The following KATNA1 variants were observed in gnomAD, a reference collection of about 807,000 sequenced individuals.
KATNA1 encodes katanin catalytic subunit A1, also known as katanin p60 ATPase-containing subunit A1.
KATNA1 carries 42 observed loss-of-function variants against 62.6 expected under a neutral mutation model. The observed-to-expected ratio is 0.67, with a 90% confidence interval of 0.52 to 0.87. The LOEUF (loss-of-function observed/expected upper bound fraction) is 0.87, where lower values mean the gene tolerates loss of function less well. KATNA1 is among the 40% of genes least tolerant of loss of function. KATNA1 has a pLI of 0.00. For missense variants in KATNA1, 498 were observed against 612.5 expected (o/e 0.81, Z 1.97); for synonymous variants, 186 against 201.9 (o/e 0.92, Z 0.67).
In KATNA1 at chr6:149,597,508, T is replaced by A. The variant is rs757991864; in HGVS notation, c.1149A>T (p.Ser383=). ...LEKRIYIPLP[S]AKGREELLRI... ...CTGACAAGATTGAAAGGAAGATACC[T>A]GACGGCAAAGGAATATAGATTCGTT... Residue 383 remains serine (S), a splice_region_variant and synonymous_variant, in exon 9 of 11, where the codon TCA becomes TCT. Coordinates refer to ENST00000367411, the MANE Select transcript of KATNA1 (RefSeq NM_007044.4). 1.9e-6 allele frequency: 3 copies of A among 1,613,820 alleles called. No homozygotes were observed. The South Asian group carries it at 3.3e-5, about 18-fold the overall frequency.
At chr6:149,628,802 A>G (rs1280278664) in intron 3 of KATNA1, among the ~76,000 whole-genome samples, 1 of 151,278 alleles carries the variant, frequency 6.6e-6, no homozygotes, top group East Asian at 1.9e-4. Flanking sequence ...CCTGGGCAAC[A>G]GAGCGAGACT....
At chr6:149,600,344 C>CA (rs772368350) in intron 7 of KATNA1, among the ~76,000 whole-genome samples, 1 of 151,196 alleles carries the variant, frequency 6.6e-6, no homozygotes, top group Non-Finnish European at 1.5e-5. Context: ...ACAAAAAAAT[C>CA]AAAAAAGGCC....
chr6:149,629,879 T>G (rs1285323472), intron 3 of KATNA1, among the ~76,000 whole-genome samples: 1 of 152,182 alleles, frequency 6.6e-6, no homozygotes, highest in Non-Finnish European at 1.5e-5. Context: ...TTACTTAACC[T>G]ATCTTAGCTT....
At chr6:149,604,554 C>T (rs9766101) in intron 5 of KATNA1, 107 bp downstream of exon 5, 26,537 of 1,175,948 alleles carry the variant, frequency 0.023, 1,302 homozygotes, top group African/African-American at 0.16. Flanking sequence ...GCACATACTC[C>T]GGTTCTGTCC....
chr6:149,628,635 C>T (rs1779713025), intron 3 of KATNA1, among the ~76,000 whole-genome samples: 1 of 151,624 alleles, frequency 6.6e-6, no homozygotes, highest in Non-Finnish European at 1.5e-5. Context: ...GCTTGGCCAA[C>T]AAGGTGAAAC....
At chr6:149,601,077 T>C (rs1002571269) in intron 7 of KATNA1, among the ~76,000 whole-genome samples, 21 of 152,210 alleles carry the variant, frequency 1.4e-4, no homozygotes, top group Admixed American at 3.3e-4. Context: ...GGCTGTGGAA[T>C]TCAATCTAAA....
intron 6 of KATNA1, among the ~76,000 whole-genome samples, chr6:149,602,395 T>A (rs1778580551): frequency 6.6e-6 from 1 of 152,114 alleles, no homozygotes; most frequent in Non-Finnish European, 1.5e-5. Flanking sequence ...TATATATATA[T>A]AATTTATTCA....
At chr6:149,627,578 G>C (rs1779664996) in intron 3 of KATNA1, among the ~76,000 whole-genome samples, 1 of 150,624 alleles carries the variant, frequency 6.6e-6, no homozygotes, top group Admixed American at 6.6e-5. Flanking sequence ...AGCTACTCAG[G>C]AAGCTGAGGC....
At chr6:149,620,126 A>G (rs1489395176) in intron 4 of KATNA1, among the ~76,000 whole-genome samples, 1 of 152,206 alleles carries the variant, frequency 6.6e-6, no homozygotes, top group African/African-American at 2.4e-5. Context: ...CTCATGACGA[A>G]GCTAAAAAAG....
At chr6:149,617,157 G>A (rs1779197289) in intron 4 of KATNA1, among the ~76,000 whole-genome samples, 1 of 152,180 alleles carries the variant, frequency 6.6e-6, no homozygotes, top group Non-Finnish European at 1.5e-5. Context: ...ATGAAGGGGA[G>A]AATGATAAGA....
Position 149,597,542 on chromosome 6 carries a change from C to T in KATNA1, c.1115G>A (p.Arg372His). 1.2e-6 allele frequency: 2 copies of T among 1,613,982 alleles called. No homozygotes were observed. Among genetic ancestry groups the T allele is most frequent in the Non-Finnish European group, 1.7e-6 (2 of 1,179,926 alleles). ...AGGAATATAGATTCGTTTCTCAAGG[C>T]GTCGTCTTAAAGCCTCATCTATATC... is the stretch of plus-strand genomic sequence containing the variant. ...PWDIDEALRR[R>H]LEKRIYIPLP... Residue 372 changes from arginine (R) to histidine (H), a missense_variant, in exon 9 of 11, where the codon CGC becomes CAC. This residue lies in a region of KATNA1 where 267 missense variants were observed against 372.6 expected (regional missense o/e 0.72). Transcript: ENST00000367411.
intron 2 of KATNA1, among the ~76,000 whole-genome samples, chr6:149,636,625 C>T (rs1032988204): frequency 6.7e-6 from 1 of 148,884 alleles, no homozygotes; most frequent in East Asian, 2.1e-4. Context: ...TAGAAGACCA[C>T]CTCAAAAAGA....
chr6:149,626,263 T>C (rs1449490020), intron 3 of KATNA1, among the ~76,000 whole-genome samples: 8 of 149,148 alleles, frequency 5.4e-5, no homozygotes, highest in South Asian at 2.1e-4. Context: ...CTATATAATA[T>C]AGTGAAACAA....
intron 1 of KATNA1, 170 bp from the exon 2 acceptor site, chr6:149,638,730 GTTTTTTTTTTTTTTTTT>G (rs1217719467): frequency 1.0e-5 from 1 of 97,658 alleles, no homozygotes; most frequent in Non-Finnish European, 1.8e-5. Flanking sequence ...AAAAAACATT[GTTTTTTTTTTTTTTTTT>G]TTTTTTTGAG....
intron 4 of KATNA1, among the ~76,000 whole-genome samples, chr6:149,614,420 G>C (rs1297439071): frequency 6.6e-6 from 1 of 151,994 alleles, no homozygotes; most frequent in Non-Finnish European, 1.5e-5. Flanking sequence ...TTTCCCTTTT[G>C]GGGAAATAGA....
chr6:149,639,597 CAAAAAATA>C (rs1236444905), intron 1 of KATNA1, among the ~76,000 whole-genome samples: 2 of 151,850 alleles, frequency 1.3e-5, no homozygotes, highest in South Asian at 2.1e-4. Context: ...GACTCTGTCT[CAAAAAATA>C]AAAAAATAAA....
In KATNA1 at chr6:149,638,816, A is replaced by C. The variant is rs557809091; in HGVS notation, c.-13-256T>G. Among the ~76,000 whole-genome samples the C allele has an allele frequency of 1.2e-3, 160 of 138,462 alleles. 1 individual carries two copies. The highest frequency in any genetic ancestry group is 4.2e-3 in the African/African-American group (158 of 37,434). 90.8% of individuals were successfully genotyped at this position (138,462 alleles called of 152,430 possible). ...CAATGGCATGATCTCGGCTCACTGC[A>C]ACCTCTGCCTCCCGGGTTCAAGCAA... On this transcript the variant is annotated intron_variant, in intron 1 of 10. Transcript: ENST00000367411.
At chr6:149,629,134 T>C (rs1779738664) in intron 3 of KATNA1, among the ~76,000 whole-genome samples, 1 of 152,052 alleles carries the variant, frequency 6.6e-6, no homozygotes, top group Admixed American at 6.6e-5. Flanking sequence ...GGTGACCAAA[T>C]ACTTCATTAA....
intron 2 of KATNA1, among the ~76,000 whole-genome samples, chr6:149,635,900 C>T (rs1780048655): frequency 6.8e-6 from 1 of 147,402 alleles, no homozygotes; most frequent in Non-Finnish European, 1.5e-5. Context: ...ACTAAAAATA[C>T]AAAAATTAGC....
Sources: gnomAD v4.1 joint callset for allele counts (sites outside exome capture counted in the v4.1 genomes callset) on GRCh38, gnomAD v4.1.1 for gene constraint, gnomAD v4.1.1 regional missense constraint, MANE v1.5 for transcripts, NCBI Gene and HGNC (gene_info 2026-07-23, HGNC 2026-07-21) for gene names.